The following FHOD3 variants were observed in gnomAD, a reference collection of about 807,000 sequenced individuals.
FHOD3 encodes FH1/FH2 domain-containing protein 3.
In FHOD3, 90 loss-of-function variants were observed where a neutral mutation model predicts 173.0. The ratio of observed to expected loss-of-function variants is 0.52; its 90% CI spans 0.44 to 0.62. FHOD3 has a LOEUF of 0.62. Among genes scored for constraint, FHOD3 ranks in the 20% least tolerant of loss-of-function variants. The pLI, the probability that FHOD3 is intolerant of heterozygous loss-of-function variation, is 0.00. For missense variants in FHOD3, 1,945 were observed against 2,034.7 expected (o/e 0.96, Z 0.85); for synonymous variants, 828 against 823.0 (o/e 1.01, Z -0.10).
chr18:36,346,202 C>G (rs1208965408), intron 1 of FHOD3, among the ~76,000 whole-genome samples: 1 of 152,056 alleles, frequency 6.6e-6, no homozygotes, highest in Non-Finnish European at 1.5e-5. Flanking sequence ...CTTGTTTTTA[C>G]TAAAAGTTAA....
In FHOD3 at chr18:36,519,766, C is replaced by G. The variant is rs377046163; in HGVS notation, c.511+7223C>G. Among the ~76,000 whole-genome samples, 5 of 152,278 alleles carry G rather than the reference C, an allele frequency of 3.3e-5. No homozygotes were observed. In the South Asian group the frequency reaches 6.2e-4, roughly 19 times the overall value. ...GGGTGGGGCAAGCAGCATCCACGAC[C>G]CTGAGCCCTTTACCTCATTGGGCAG... On this transcript the variant is annotated intron_variant, in intron 5 of 28. Coordinates refer to ENST00000590592, the MANE Select transcript of FHOD3 (RefSeq NM_001281740.3).
chr18:36,654,581 C>T (rs1185211593), intron 13 of FHOD3, among the ~76,000 whole-genome samples: 1 of 152,124 alleles, frequency 6.6e-6, no homozygotes, highest in African/African-American at 2.4e-5. Context: ...TCAGAAGAAG[C>T]CTGATTTCAT....
intron 9 of FHOD3, among the ~76,000 whole-genome samples, 184 bp downstream of exon 9, chr18:36,612,279 A>G (rs1443718827): frequency 6.6e-6 from 1 of 152,222 alleles, no homozygotes; most frequent in East Asian, 1.9e-4. Context: ...AGACCATGTT[A>G]TGACAAGCCT....
chr18:36,765,952 A>G (rs1024829400), intron 27 of FHOD3, among the ~76,000 whole-genome samples: 2 of 152,162 alleles, frequency 1.3e-5, no homozygotes, highest in Non-Finnish European at 2.9e-5. Context: ...CAAAACAGAT[A>G]AATATCAACC....
At chr18:36,629,923 G>C (rs2034389622) in intron 10 of FHOD3, among the ~76,000 whole-genome samples, 1 of 152,110 alleles carries the variant, frequency 6.6e-6, no homozygotes, top group East Asian at 1.9e-4. Flanking sequence ...GGACGGGGTG[G>C]TGCTGCTGGC....
At chr18:36,764,775 T>C (rs1017099016) in intron 27 of FHOD3, among the ~76,000 whole-genome samples, 1 of 152,236 alleles carries the variant, frequency 6.6e-6, no homozygotes, top group Non-Finnish European at 1.5e-5. Flanking sequence ...GGGAGACTTC[T>C]GCTTTCATGC....
At chr18:36,377,027 T>G (rs1352510865) in intron 3 of FHOD3, among the ~76,000 whole-genome samples, 2 of 152,160 alleles carry the variant, frequency 1.3e-5, no homozygotes, top group Non-Finnish European at 2.9e-5. Context: ...ATGGAGGTGG[T>G]GTACATATGT....
intron 3 of FHOD3, among the ~76,000 whole-genome samples, chr18:36,500,060 GA>G (rs1227086661): frequency 2.0e-5 from 3 of 152,208 alleles, no homozygotes; most frequent in Non-Finnish European, 4.4e-5. Flanking sequence ...GGATGTGAGA[GA>G]AAACCACAGT....
At chr18:36,546,632 G>C (rs139998024) in intron 5 of FHOD3, among the ~76,000 whole-genome samples, 260 of 152,278 alleles carry the variant, frequency 1.7e-3, no homozygotes, top group African/African-American at 6.1e-3. Context: ...GAGAGTTCAG[G>C]TTTGTCTGTC....
At chr18:36,519,542 T>G (rs1286173974) in intron 5 of FHOD3, among the ~76,000 whole-genome samples, 5 of 152,276 alleles carry the variant, frequency 3.3e-5, no homozygotes, top group African/African-American at 1.2e-4. Flanking sequence ...ATGATCTGAG[T>G]CATCATTGCT....
chr18:36,317,864 C>A (rs575108621), intron 1 of FHOD3, among the ~76,000 whole-genome samples: 33 of 152,196 alleles, frequency 2.2e-4, no homozygotes, highest in African/African-American at 7.9e-4. Flanking sequence ...TTTTAGGCCT[C>A]ACATTTAAGT....
intron 3 of FHOD3, among the ~76,000 whole-genome samples, chr18:36,462,519 G>A (rs939689993): frequency 2.0e-5 from 3 of 152,078 alleles, no homozygotes; most frequent in Admixed American, 2.0e-4. Flanking sequence ...TTTTAGTAGA[G>A]ATGGGGTTTC....
chr18:36,356,903 G>T (rs1205585733), intron 2 of FHOD3, among the ~76,000 whole-genome samples: 2 of 152,160 alleles, frequency 1.3e-5, no homozygotes, highest in East Asian at 3.9e-4. Flanking sequence ...CTAAGTGCTG[G>T]GATTACAGGC....
At chr18:36,378,118 C>T (rs1471051825) in intron 3 of FHOD3, among the ~76,000 whole-genome samples, 5 of 152,136 alleles carry the variant, frequency 3.3e-5, no homozygotes, top group African/African-American at 1.2e-4. Flanking sequence ...CTCCAGAAGC[C>T]CTGGAAACCA....
intron 5 of FHOD3, among the ~76,000 whole-genome samples, chr18:36,515,608 G>C (rs373297698): frequency 1.3e-5 from 2 of 152,184 alleles, no homozygotes; most frequent in Non-Finnish European, 2.9e-5. Flanking sequence ...TCATGACCAG[G>C]GGAGAGCCCG....
rs543756160 is a variant in FHOD3 at position 36,338,582 on chromosome 18, C to T, written c.166-16957C>T. Among the ~76,000 whole-genome samples the T allele has an allele frequency of 3.3e-5, 5 of 152,334 alleles. No individual in the cohort carries two copies. In the South Asian group the frequency reaches 1.0e-3, roughly 32 times the overall value. ...ACAGGCTGGCCCAATATTCTGCTGCCAGCTTGGCTCTGAGGCTGGATTTCT... is the reference window on the plus strand; with the variant it reads ...ACAGGCTGGCCCAATATTCTGCTGCTAGCTTGGCTCTGAGGCTGGATTTCT... On this transcript the variant is annotated intron_variant, in intron 1 of 28. Transcript: ENST00000590592.
chr18:36,410,176 C>T (rs957501359), intron 3 of FHOD3, among the ~76,000 whole-genome samples: 6 of 152,130 alleles, frequency 3.9e-5, no homozygotes, highest in Admixed American at 1.3e-4. Flanking sequence ...TCCCCCCTGC[C>T]GTCTCCAATC....
rs143128386 is a variant in FHOD3, at chr18:36,417,548, T to C, written c.337+44804T>C. Reference sequence around the variant, plus strand: ...TGAACGTGTGCATGTGTCTTTATAATAGAATGACTTATATTCCTTTGGGTA... The same window carrying C: ...TGAACGTGTGCATGTGTCTTTATAACAGAATGACTTATATTCCTTTGGGTA... On this transcript the variant is annotated intron_variant, in intron 3 of 28. Coordinates refer to ENST00000590592, the MANE Select transcript of FHOD3 (RefSeq NM_001281740.3). Among the ~76,000 whole-genome samples, 1,315 of 152,368 alleles carry C rather than the reference T, an allele frequency of 8.6e-3. 16 individuals are homozygous for C. Among genetic ancestry groups the C allele is most frequent in the African/African-American group, 0.03 (1,268 of 41,590 alleles).
intron 2 of FHOD3, among the ~76,000 whole-genome samples, chr18:36,366,148 A>G (rs376998234): frequency 6.6e-6 from 1 of 152,198 alleles, no homozygotes; most frequent in African/African-American, 2.4e-5. Flanking sequence ...AAAATGCTAC[A>G]TCATGGGAAC....
Sources: gnomAD v4.1 joint callset for allele counts (sites outside exome capture counted in the v4.1 genomes callset) on GRCh38, gnomAD v4.1.1 for gene constraint, MANE v1.5 for transcripts, NCBI Gene and HGNC (gene_info 2026-07-23, HGNC 2026-07-21) for gene names.